TBC1D5: variants seen among roughly 807,000 people sequenced by gnomAD.
TBC1D5 encodes the protein TBC1 domain family, member 5.
A neutral mutation model predicts 100.3 loss-of-function variants in TBC1D5; 75 were observed. The observed-to-expected ratio is 0.75, with a 90% CI of 0.62 to 0.91. The LOEUF (loss-of-function observed/expected upper bound fraction) is 0.91, where lower values mean the gene tolerates loss of function less well. Ranked by LOEUF, TBC1D5 falls within the 40% of genes least tolerant of loss-of-function variation. The pLI, the probability that TBC1D5 is intolerant of heterozygous loss-of-function variation, is 0.00. For synonymous variants in TBC1D5, 323 were observed against 325.6 expected (o/e 0.99, Z 0.09); for missense variants, 910 against 942.4 (o/e 0.97, Z 0.45).
chr3:17,693,608 G>C (rs1469998034), intron 1 of TBC1D5, among the ~76,000 whole-genome samples: 2 of 152,238 alleles, frequency 1.3e-5, no homozygotes, highest in East Asian at 3.8e-4. Flanking sequence ...GCCCACTGCA[G>C]CTCAGCACAC....
intron 17 of TBC1D5, among the ~76,000 whole-genome samples, chr3:17,226,310 C>CTT (rs11311989): frequency 9.3e-4 from 128 of 137,808 alleles, no homozygotes; most frequent in African/African-American, 3.3e-3. Flanking sequence ...CTCTACATAC[C>CTT]TTTTTTTTTT....
At chr3:17,370,641 A>T (rs1288769311) in intron 13 of TBC1D5, among the ~76,000 whole-genome samples, 1 of 152,226 alleles carries the variant, frequency 6.6e-6, no homozygotes, top group Non-Finnish European at 1.5e-5. Context: ...ACAGAAAAGC[A>T]GACTTCTTCA....
exon 10 of TBC1D5, chr3:17,376,542 A>C: frequency 6.2e-7 from 1 of 1,612,908 alleles, no homozygotes; most frequent in Non-Finnish European, 8.5e-7. Context: ...GTGCAGACTC[A>C]CTGGCATGTA....
chr3:17,277,091 A>T (rs1396584113), intron 15 of TBC1D5, among the ~76,000 whole-genome samples: 1 of 152,248 alleles, frequency 6.6e-6, no homozygotes, highest in Admixed American at 6.5e-5. Flanking sequence ...TTCATTTGTT[A>T]TAGCAGTTGG....
chr3:17,702,274 A>G (rs993247785), intron 1 of TBC1D5: 2 of 152,186 alleles, frequency 1.3e-5, no homozygotes, highest in African/African-American at 4.8e-5. Flanking sequence ...TTCCAGAAGA[A>G]ATCAAATGTA....
At chr3:17,659,658 C>G (rs1004226010) in intron 1 of TBC1D5, among the ~76,000 whole-genome samples, 2 of 152,072 alleles carry the variant, frequency 1.3e-5, no homozygotes, top group Non-Finnish European at 2.9e-5. Flanking sequence ...CACAGCCTTT[C>G]ATTCTTCAGG....
intron 1 of TBC1D5, among the ~76,000 whole-genome samples, chr3:17,675,016 T>C (rs2153794329): frequency 6.6e-6 from 1 of 152,260 alleles, no homozygotes; most frequent in Non-Finnish European, 1.5e-5. Context: ...TTACTATCTA[T>C]ATGTTTTTGG....
intron 3 of TBC1D5, among the ~76,000 whole-genome samples, chr3:17,454,431 C>G (rs530914401): frequency 6.6e-6 from 1 of 152,042 alleles, no homozygotes; most frequent in Non-Finnish European, 1.5e-5. Flanking sequence ...TTGCAGGATA[C>G]AAAATCAACA....
intron 3 of TBC1D5, among the ~76,000 whole-genome samples, chr3:17,462,399 G>A (rs528151885): frequency 5.4e-5 from 8 of 147,234 alleles, no homozygotes; most frequent in East Asian, 4.0e-4. Context: ...ATAGCTCACC[G>A]CAGCCTCAAA....
At chr3:17,446,188 G>C (rs1164265630) in intron 3 of TBC1D5, among the ~76,000 whole-genome samples, 1 of 151,988 alleles carries the variant, frequency 6.6e-6, no homozygotes, top group African/African-American at 2.4e-5. Flanking sequence ...CTCCTGAAGA[G>C]ACATACTTTT....
At chr3:17,605,150 C>G (rs1297477693) in intron 2 of TBC1D5, among the ~76,000 whole-genome samples, 1 of 152,174 alleles carries the variant, frequency 6.6e-6, no homozygotes, top group Non-Finnish European at 1.5e-5. Context: ...AACAGACAAG[C>G]CTTCTCCAAC....
Position 17,716,801 on chromosome 3 carries a change from CA to C in TBC1D5, c.-101+22541del, listed in dbSNP as rs568710811. Among the ~76,000 whole-genome samples the C allele has an allele frequency of 2.9e-3, 445 of 152,180 alleles. 9 individuals are homozygous for C. Among genetic ancestry groups the C allele is most frequent in the Non-Finnish European group, 9.7e-4 (66 of 68,004 alleles). ...TTCAGGAAATGAAATATTTGTAGAG[CA>C]GAGAGAATATCTACCATTTGTTTTT... On this transcript the variant is annotated intron_variant, in intron 1 of 21. Coordinates refer to ENST00000253692, the Ensembl canonical transcript of TBC1D5.
At chr3:17,394,236 A>G (rs2093437512) in intron 8 of TBC1D5, among the ~76,000 whole-genome samples, 1 of 152,148 alleles carries the variant, frequency 6.6e-6, no homozygotes, top group African/African-American at 2.4e-5. Context: ...GATTTGAGAT[A>G]CTGATTCATT....
chr3:17,729,797 A>C (rs891973643), intron 1 of TBC1D5, among the ~76,000 whole-genome samples: 3 of 151,984 alleles, frequency 2.0e-5, no homozygotes, highest in Non-Finnish European at 1.5e-5. Context: ...GTGAGAACAA[A>C]GGTCACTTTT....
intron 17 of TBC1D5, among the ~76,000 whole-genome samples, chr3:17,216,712 G>A (rs2073680172): frequency 6.6e-6 from 1 of 151,744 alleles, no homozygotes; most frequent in Non-Finnish European, 1.5e-5. Context: ...AACTTCCCAG[G>A]GATACTTTTT....
At chr3:17,291,270 C>A (rs1165724534) in intron 15 of TBC1D5, among the ~76,000 whole-genome samples, 1 of 152,134 alleles carries the variant, frequency 6.6e-6, no homozygotes, top group African/African-American at 2.4e-5. Flanking sequence ...TTCTTATTTT[C>A]AAGAAATATA....
chr3:17,289,560 G>A lies in TBC1D5; in HGVS notation c.1245+2335C>T, dbSNP rs551544181. 6.7e-4 allele frequency among the ~76,000 whole-genome samples: 101 copies of A among 151,796 alleles called. 1 individual carries two copies. The highest frequency in any genetic ancestry group is 2.3e-3 in the African/African-American group (96 of 41,354). Reference sequence around the variant, plus strand: ...GAGGCAGGAGAATCGCTTGAACCTGGGAGGCGGAGGTTGCAGTGAGCCGAG... The same window carrying A: ...GAGGCAGGAGAATCGCTTGAACCTGAGAGGCGGAGGTTGCAGTGAGCCGAG... On this transcript the variant is annotated intron_variant, in intron 15 of 21. Transcript: ENST00000253692.
intron 1 of TBC1D5, among the ~76,000 whole-genome samples, chr3:17,694,631 T>C (rs2071718322): frequency 6.6e-6 from 1 of 152,226 alleles, no homozygotes; most frequent in Non-Finnish European, 1.5e-5. Context: ...TTGGTGTACC[T>C]GAAAGTGATG....
At chr3:17,307,869 C>G (rs547589763) in intron 14 of TBC1D5, 123 bp downstream of exon 14, 1 of 1,234,278 alleles carries the variant, frequency 8.1e-7, no homozygotes, top group East Asian at 2.7e-5. Context: ...AGTATATTAC[C>G]CTACTACAAA....
Sources: gnomAD v4.1 joint callset for allele counts (sites outside exome capture counted in the v4.1 genomes callset) on GRCh38, gnomAD v4.1.1 for gene constraint, MANE v1.5 for transcripts, NCBI Gene and HGNC (gene_info 2026-07-23, HGNC 2026-07-21) for gene names.